The following RAVER1 variants were observed in gnomAD, a reference collection of about 807,000 sequenced individuals.
The protein encoded by RAVER1 is ribonucleoprotein PTB-binding 1.
RAVER1 carries 36 observed loss-of-function variants against 68.4 expected under a neutral mutation model. That is an observed-to-expected ratio of 0.53 (90% CI 0.40 to 0.70). RAVER1 has a LOEUF of 0.70. RAVER1 is among the 30% of genes least tolerant of loss of function. The probability of loss-of-function intolerance (pLI) is 0.00; values close to 1 mark genes in which losing one functional copy is unlikely to be tolerated. For missense variants in RAVER1, 933 were observed against 1,019.8 expected, an observed-to-expected ratio of 0.91 and a Z score of 1.16; for synonymous variants, 469 against 472.7, an observed-to-expected ratio of 0.99 and a Z score of 0.10.
In RAVER1 at chr19:10,316,654, A is replaced by C; in HGVS notation, c.*800T>G. The C allele has an allele frequency of 1.3e-6, 1 of 797,568 alleles. No homozygotes were observed. Among genetic ancestry groups the C allele is most frequent in the Non-Finnish European group, 1.5e-6 (1 of 657,554 alleles). 49.4% of individuals were successfully genotyped at this position (797,568 alleles called of 1,614,324 possible). A position where few individuals can be genotyped will look rare whatever the true frequency, so the allele number is the denominator to read the frequency against. ...GGGGTGGTGGGGCCGGTTCGCCAAG[A>C]TGAAGGCTTTCCCCTTCTACTGTCC... On this transcript the variant is annotated 3_prime_UTR_variant, in exon 13 of 13. Coordinates refer to ENST00000617231, the MANE Select transcript of RAVER1 (RefSeq NM_133452.3).
At position 10,320,795 on chromosome 19, in the gene RAVER1, T is replaced by A; in HGVS notation, c.1630A>T (p.Thr544Ser). ...CCACCTCCAGGGGCTGGGGGGTTAG[T>A]TGGGGGGCCCTCAGCTGGGCGGCGG... ...RSRRPAEGPP[T>S]NPPAPGGGSS... Residue 544 changes from threonine to serine, a missense_variant, in exon 9 of 13, where the codon ACT (threonine) becomes TCT (serine). This residue lies in a region of RAVER1 where 699 missense variants were observed against 731.1 expected (regional missense o/e 0.96). Transcript: ENST00000617231. The A allele has an allele frequency of 6.7e-7, 1 of 1,494,756 alleles. No individual in the cohort carries two copies. The highest frequency in any genetic ancestry group is 8.9e-7 in the Non-Finnish European group (1 of 1,129,092). The allele number at this position is 1,494,756 out of a possible 1,614,324, so 92.6% of individuals were successfully genotyped here.
At chr19:10,318,495 A>G in intron 10 of RAVER1, 123 bp from the exon 11 acceptor site, 1 of 702,856 alleles carries the variant, frequency 1.4e-6, no homozygotes, top group South Asian at 1.8e-5. Context: ...AGTAGCTGGG[A>G]TTACAGGCAT....
Position 10,316,549 on chromosome 19 carries a change from G to T in RAVER1, c.*905C>A. ...TGACAGCAGAGGCTCCGGGAGATGG[G>T]CACAATGTCCGACTCCCACAGACAG... On this transcript the variant is annotated 3_prime_UTR_variant, in exon 13 of 13. Transcript: ENST00000617231. 2.0e-6 allele frequency: 2 copies of T among 987,540 alleles called. No individual in the cohort carries two copies. The highest frequency in any genetic ancestry group is 2.4e-6 in the Non-Finnish European group (2 of 830,988). The allele number at this position is 987,540 out of a possible 1,614,324, so 61.2% of individuals were successfully genotyped here. A position where few individuals can be genotyped will look rare whatever the true frequency, so the allele number is the denominator to read the frequency against.
In RAVER1 at chr19:10,321,110, G is replaced by A; in HGVS notation, c.1411C>T (p.Leu471Phe). The A allele has an allele frequency of 7.6e-7, 1 of 1,319,608 alleles. No individual in the cohort carries two copies. Among genetic ancestry groups the A allele is most frequent in the East Asian group, 3.1e-5 (1 of 32,186 alleles). 81.7% of individuals were successfully genotyped at this position (1,319,608 alleles called of 1,614,324 possible). The change falls in exon 8 of 13, where the codon CTC becomes TTC. Residue 471 changes from leucine to phenylalanine, a missense_variant. Physicochemically the swap from Leu to Phe is conservative, Grantham distance 22. Coordinates refer to ENST00000617231, the MANE Select transcript of RAVER1 (RefSeq NM_133452.3). Reference protein sequence around the residue: ...QLTPPPAPVGLRGSGLRGLQK... With the variant: ...QLTPPPAPVGFRGSGLRGLQK... ...AGGCCTCTGAGGCCAGAGCCTCGGA[G>A]CCCCACAGGGGCGGGGGGAGGAGTG...
intron 3 of RAVER1, among the ~76,000 whole-genome samples, chr19:10,325,503 A>G (rs1599302681): frequency 6.6e-6 from 1 of 152,068 alleles, no homozygotes; most frequent in Admixed American, 6.6e-5. Flanking sequence ...TGCTGGGATT[A>G]CAGGCGTGAG....
chr19:10,321,022 G>A, intron 8 of RAVER1, 26 bp downstream of exon 8: 2 of 1,464,752 alleles, frequency 1.4e-6, no homozygotes, highest in Non-Finnish European at 1.8e-6. Flanking sequence ...GGCTGGTGTG[G>A]TGCCGCGCGC....
rs1353321007 is a variant in RAVER1, at chr19:10,329,162, C to G, written c.287-51G>C. The G allele has an allele frequency of 1.7e-6, 2 of 1,173,068 alleles. No homozygotes were observed. Among genetic ancestry groups the G allele is most frequent in the Non-Finnish European group, 2.4e-6 (2 of 848,870 alleles). The allele number at this position is 1,173,068 out of a possible 1,614,324, so 72.7% of individuals were successfully genotyped here. A position where few individuals can be genotyped will look rare whatever the true frequency, so the allele number is the denominator to read the frequency against. The stretch of plus-strand genomic sequence containing the variant: ...GGTCAGCCGGGCCCTGAGGGCCTGC[C>G]CCTCCACCCCGCCACCCTGCAAACC... On this transcript the variant is annotated intron_variant, in intron 2 of 12. Transcript: ENST00000617231. The surrounding 1 kb of genome is among the most constrained non-coding windows in gnomAD (Gnocchi z 4.6).
chr19:10,317,633 G>C lies in RAVER1; in HGVS notation c.2074-33C>G. 6.4e-7 allele frequency: 1 copy of C among 1,554,086 alleles called. No homozygotes were observed. Among genetic ancestry groups the C allele is most frequent in the East Asian group, 2.3e-5 (1 of 42,854 alleles). On this transcript the variant is annotated intron_variant, in intron 12 of 12. Coordinates refer to ENST00000617231, the MANE Select transcript of RAVER1 (RefSeq NM_133452.3). This position sits in a 1 kb window ranked among gnomAD's most constrained non-coding sequence, Gnocchi z 4.3. ...CAGAGGGCAGGGCGGGGCGGGTCAG[G>C]GGCCGCTGGGGGGCCGGGGCTTCCC...
Position 10,321,222 on chromosome 19 carries a change from C to T in RAVER1, c.1299G>A (p.Gly433=). 1 of 1,271,074 alleles carries T rather than the reference C, an allele frequency of 7.9e-7. No homozygotes were observed. Among genetic ancestry groups the T allele is most frequent in the Non-Finnish European group, 1.0e-6 (1 of 1,004,908 alleles). The allele number at this position is 1,271,074 out of a possible 1,614,324, so 78.7% of individuals were successfully genotyped here. The change falls in exon 8 of 13, where the codon GGG becomes GGA. Residue 433 remains glycine, a synonymous_variant. Coordinates refer to ENST00000617231, the MANE Select transcript of RAVER1 (RefSeq NM_133452.3). ...CGGATGGCAGCAGGGGTGGTGGCTT[C>T]CCTCGCCGGGGCGGCAGCTCCGGGG... ...GLPPELPPRR[G]KPPPLLPSVL...
Position 10,317,202 on chromosome 19 carries a change from C to A in RAVER1, c.*252G>T. On this transcript the variant is annotated 3_prime_UTR_variant, in exon 13 of 13. Transcript: ENST00000617231. This position sits in a 1 kb window ranked among gnomAD's most constrained non-coding sequence, Gnocchi z 4.3. ...AGGAGATGGGGGGAGGGAGGGAGAG[C>A]AGGCCGGGGCCCCTCTCTCTTAAGG... The A allele has an allele frequency of 1.9e-6, 1 of 522,604 alleles. No homozygotes were observed. Among genetic ancestry groups the A allele is most frequent in the South Asian group, 2.1e-5 (1 of 46,936 alleles). 32.4% of individuals were successfully genotyped at this position (522,604 alleles called of 1,614,324 possible). A position where few individuals can be genotyped will look rare whatever the true frequency, so the allele number is the denominator to read the frequency against.
At chr19:10,331,065 C>G (rs868297021) in intron 1 of RAVER1, among the ~76,000 whole-genome samples, 1 of 142,182 alleles carries the variant, frequency 7.0e-6, no homozygotes, top group African/African-American at 2.6e-5. Context: ...ACAATAACAA[C>G]AAGGCCGGGC....
Position 10,328,211 on chromosome 19 carries a change from C to T in RAVER1, c.756+431G>A, listed in dbSNP as rs958023219. On this transcript the variant is annotated intron_variant, in intron 3 of 12. Transcript: ENST00000617231. This position sits in a 1 kb window ranked among gnomAD's most constrained non-coding sequence, Gnocchi z 4.4. ...GAGCAAGCCTCGAGATCCATAGTTA[C>T]AAGAGTGGCCTTGCATGCATCTGAT... is the stretch of plus-strand genomic sequence containing the variant. Among the ~76,000 whole-genome samples the T allele has an allele frequency of 2.0e-5, 3 of 152,130 alleles. No homozygotes were observed. Among genetic ancestry groups the T allele is most frequent in the African/African-American group, 7.2e-5 (3 of 41,430 alleles).
chr19:10,316,649 C>A lies in RAVER1; in HGVS notation c.*805G>T, dbSNP rs1168238577. 34 of 854,066 alleles carry A rather than the reference C, an allele frequency of 4.0e-5. No individual in the cohort carries two copies. Among genetic ancestry groups the A allele is most frequent in the Non-Finnish European group, 4.8e-5 (34 of 709,404 alleles). 52.9% of individuals were successfully genotyped at this position (854,066 alleles called of 1,614,324 possible). A position where few individuals can be genotyped will look rare whatever the true frequency, so the allele number is the denominator to read the frequency against. ...AGGAGGGGGTGGTGGGGCCGGTTCG[C>A]CAAGATGAAGGCTTTCCCCTTCTAC... is the stretch of plus-strand genomic sequence containing the variant. On this transcript the variant is annotated 3_prime_UTR_variant, in exon 13 of 13. Coordinates refer to ENST00000617231, the MANE Select transcript of RAVER1 (RefSeq NM_133452.3).
intron 11 of RAVER1, 28 bp downstream of exon 11, chr19:10,318,201 C>T (rs567665234): frequency 1.3e-5 from 20 of 1,578,258 alleles, no homozygotes; most frequent in South Asian, 2.3e-5. Context: ...TCCCAGGGGG[C>T]CTGTGCTTGG....
In RAVER1 at chr19:10,321,129, A is replaced by G; in HGVS notation, c.1392T>C (p.Pro464=). ...GLGPPAAQLT[P]PPAPVGLRGS... is the part of the protein sequence containing the mutation. ...CTCGGAGCCCCACAGGGGCGGGGGG[A>G]GGAGTGAGCTGGGCCGCTGGGGGAC... Residue 464 remains proline, a synonymous_variant, in exon 8 of 13, where the codon CCT becomes CCC. Transcript: ENST00000617231. 1 of 1,303,038 alleles carries G rather than the reference A, an allele frequency of 7.7e-7. No individual in the cohort carries two copies. The highest frequency in any genetic ancestry group is 9.7e-7 in the Non-Finnish European group (1 of 1,025,686). 80.7% of individuals were successfully genotyped at this position (1,303,038 alleles called of 1,614,324 possible).
rs775840349 is a variant in RAVER1, at chr19:10,320,699, G to T, written c.1726C>A (p.Pro576Thr). The T allele has an allele frequency of 1.3e-5, 20 of 1,546,538 alleles. No homozygotes were observed. In the South Asian group the frequency reaches 2.0e-4, roughly 15 times the overall value. ...LSPLSSARLP[P>T]EPGLSDSYSF... ...TAGCTGTCAGACAGTCCTGGTTCGG[G>T]GGGCAGGCGGGCGCTGCTGAGGGGG... Residue 576 changes from proline to threonine, a missense_variant, in exon 9 of 13, where the codon CCC becomes ACC. Coordinates refer to ENST00000617231, the MANE Select transcript of RAVER1 (RefSeq NM_133452.3).
rs369258819 is a variant in RAVER1, at chr19:10,317,498, C to T, written c.2176G>A (p.Gly726Ser). ...TTCAGGTAGGAGTCCGCGTAGTGGC[C>T]GCCGAGGCCCTGGGAGTGCTGGCCC... is the stretch of plus-strand genomic sequence containing the variant. ...YVGQHSQGLG[G>S]HYADSYLKRK... is the part of the protein sequence containing the mutation. Residue 726 changes from glycine (G) to serine (S), a missense_variant, in exon 13 of 13, where the codon GGC (glycine) becomes AGC (serine). Around this residue, in one of 3 missense-constraint regions of RAVER1, gnomAD observed 699 missense variants for 731.1 expected, o/e 0.96. Coordinates refer to ENST00000617231, the MANE Select transcript of RAVER1 (RefSeq NM_133452.3). This position sits in a 1 kb window ranked among gnomAD's most constrained non-coding sequence, Gnocchi z 4.3. 6.8e-6 allele frequency: 11 copies of T among 1,613,776 alleles called. No individual in the cohort carries two copies. The highest frequency in any genetic ancestry group is 1.1e-5 in the South Asian group (1 of 91,082).
At chr19:10,327,894 G>GGC (rs1258055984) in intron 3 of RAVER1, among the ~76,000 whole-genome samples, 1 of 152,212 alleles carries the variant, frequency 6.6e-6, no homozygotes, top group Non-Finnish European at 1.5e-5. Flanking sequence ...TACAGGGCGA[G>GGC]GCACACACAC....
intron 1 of RAVER1, among the ~76,000 whole-genome samples, chr19:10,331,379 AAAAAT>A (rs1197923850): frequency 2.3e-5 from 3 of 129,976 alleles, no homozygotes; most frequent in Non-Finnish European, 4.9e-5. Context: ...AAAAAAAAAA[AAAAAT>A]AACAACAACA....
Sources: gnomAD v4.1 joint callset for allele counts (sites outside exome capture counted in the v4.1 genomes callset) on GRCh38, gnomAD v4.1.1 for gene constraint, gnomAD v4.1.1 regional missense constraint, Gnocchi (gnomAD v3.1) non-coding constraint, MANE v1.5 for transcripts, NCBI Gene and HGNC (gene_info 2026-07-23, HGNC 2026-07-21) for gene names.